CD47: variants seen among roughly 807,000 people sequenced by gnomAD.
CD47 encodes leukocyte surface antigen CD47.
A neutral mutation model predicts 44.6 loss-of-function variants in CD47; 11 were observed. That is an observed-to-expected ratio of 0.25 (90% CI 0.16 to 0.41). The LOEUF (loss-of-function observed/expected upper bound fraction) is 0.41, where lower values mean the gene tolerates loss of function less well. CD47 is among the 10% of genes least tolerant of loss of function. CD47 has a pLI of 1.00. For synonymous variants in CD47, 140 were observed against 136.3 expected (o/e 1.03, Z -0.19); for missense variants, 306 against 386.7 (o/e 0.79, Z 1.75).
At chr3:108,059,415 A>G in intron 5 of CD47, 37 bp downstream of exon 5, 1 of 1,030,320 alleles carries the variant, frequency 9.7e-7, no homozygotes, top group Non-Finnish European at 1.4e-6. Context: ...TAAATGAAAA[A>G]GGTAGACAAA....
chr3:108,049,094 A>ATCTCTC (rs55708779), intron 10 of CD47, among the ~76,000 whole-genome samples: 16 of 129,370 alleles, frequency 1.2e-4, no homozygotes, highest in African/African-American at 2.6e-4. Context: ...AGGACGAAAC[A>ATCTCTC]TCTCTCTCTC....
At position 108,045,682 on chromosome 3, in the gene CD47, A is replaced by G. The variant is rs187373143; in HGVS notation, c.*1606T>C. On this transcript the variant is annotated 3_prime_UTR_variant, in exon 11 of 11. Coordinates refer to ENST00000361309, the MANE Select transcript of CD47 (RefSeq NM_001777.4). ...GTCCCAACATGAAATATGACAATCA[A>G]TTTGGCATAAAAGAGGCACACGGGA... 3.9e-5 allele frequency: 6 copies of G among 152,708 alleles called. No individual in the cohort carries two copies. The highest frequency in any genetic ancestry group is 1.2e-4 in the African/African-American group (5 of 41,556). 9.5% of individuals were successfully genotyped at this position (152,708 alleles called of 1,614,324 possible).
At chr3:108,085,623 A>T (rs1173948843) in intron 1 of CD47, among the ~76,000 whole-genome samples, 4 of 152,096 alleles carry the variant, frequency 2.6e-5, no homozygotes, top group African/African-American at 9.7e-5. Flanking sequence ...TTGTGTTCAA[A>T]TGTTGTCACT....
At chr3:108,051,661 C>A (rs2078830892) in intron 8 of CD47, 1 of 563,838 alleles carries the variant, frequency 1.8e-6, no homozygotes, top group Non-Finnish European at 3.5e-6. Context: ...CTTCTGATTG[C>A]AGAGATAATA....
Position 108,047,143 on chromosome 3 carries a change from C to T in CD47, c.*145G>A, listed in dbSNP as rs2078733312. 8 of 525,404 alleles carry T rather than the reference C, an allele frequency of 1.5e-5. No homozygotes were observed. In the East Asian group the frequency reaches 1.5e-4, roughly 10 times the overall value. 32.5% of individuals were successfully genotyped at this position (525,404 alleles called of 1,614,324 possible). ...TGAATAAAAACTTAACTAACAATCA[C>T]GTAAGGGTCTCATAGGTGACAACCA... On this transcript the variant is annotated 3_prime_UTR_variant, in exon 11 of 11. Coordinates refer to ENST00000361309, the MANE Select transcript of CD47 (RefSeq NM_001777.4).
chr3:108,055,884 A>G (rs1024718362), intron 7 of CD47, among the ~76,000 whole-genome samples: 2 of 152,188 alleles, frequency 1.3e-5, no homozygotes, highest in South Asian at 2.1e-4. Flanking sequence ...CACTTGAGAC[A>G]TTGTCACCAG....
At position 108,045,511 on chromosome 3, in the gene CD47, G is replaced by A. The variant is rs2078707874; in HGVS notation, c.*1777C>T. ...CAATCAAGGAAGAATATACATGTGTGTATATACATACGTATATATAGATAT... is the reference window on the plus strand; with the variant it reads ...CAATCAAGGAAGAATATACATGTGTATATATACATACGTATATATAGATAT... On this transcript the variant is annotated 3_prime_UTR_variant, in exon 11 of 11. Transcript: ENST00000361309. 1 of 151,708 alleles carries A rather than the reference G, an allele frequency of 6.6e-6. No homozygotes were observed. Among genetic ancestry groups the A allele is most frequent in the Admixed American group, 6.6e-5 (1 of 15,174 alleles). The allele number at this position is 151,708 out of a possible 1,614,324, so 9.4% of individuals were successfully genotyped here. A position where few individuals can be genotyped will look rare whatever the true frequency, so the allele number is the denominator to read the frequency against.
At chr3:108,055,454 T>C (rs2078897966) in intron 7 of CD47, 3 of 904,870 alleles carry the variant, frequency 3.3e-6, no homozygotes, top group African/African-American at 1.7e-5. Flanking sequence ...AGTCAGATTA[T>C]ATAAGCAAAC....
chr3:108,081,179 C>T (rs777350974), intron 1 of CD47, among the ~76,000 whole-genome samples: 62 of 152,078 alleles, frequency 4.1e-4, no homozygotes, highest in Admixed American at 1.9e-3. Flanking sequence ...ATCCTATCTA[C>T]GCTTCTCAAT....
intron 1 of CD47, among the ~76,000 whole-genome samples, chr3:108,088,808 T>C (rs977473961): frequency 6.6e-5 from 10 of 152,196 alleles, no homozygotes; most frequent in African/African-American, 2.4e-4. Context: ...AACATAGTAA[T>C]TCATTTCACA....
chr3:108,043,780 T>G lies in CD47; in HGVS notation c.*3508A>C, dbSNP rs558494449. On this transcript the variant is annotated 3_prime_UTR_variant, in exon 11 of 11. Coordinates refer to ENST00000361309, the MANE Select transcript of CD47 (RefSeq NM_001777.4). Reference sequence around the variant, plus strand: ...AGCTTAGTACAAATGCTTTCTTTTTTTCAAAAAGAGAAATTTATGAGAAAG... The same window carrying G: ...AGCTTAGTACAAATGCTTTCTTTTTGTCAAAAAGAGAAATTTATGAGAAAG... 6.5e-6 allele frequency: 1 copy of G among 152,764 alleles called. No individual in the cohort carries two copies. Among genetic ancestry groups the G allele is most frequent in the Non-Finnish European group, 1.5e-5 (1 of 68,036 alleles). The allele number at this position is 152,764 out of a possible 1,614,324, so 9.5% of individuals were successfully genotyped here.
Position 108,080,081 on chromosome 3 carries a change from C to T in CD47, c.310G>A (p.Asp104Asn), listed in dbSNP as rs760735393. Reference sequence around the variant, plus strand: ...TAGTTTCCTGTGTGTGAGACAGCATCACTCTTATCCATCTTCAAAGAGGCA... The same window carrying T: ...TAGTTTCCTGTGTGTGAGACAGCATTACTCTTATCCATCTTCAAAGAGGCA... ...GDASLKMDKS[D>N]AVSHTGNYTC... Residue 104 changes from aspartate to asparagine, a missense_variant, in exon 2 of 11, where the codon GAT (aspartate) becomes AAT (asparagine). Transcript: ENST00000361309. The T allele has an allele frequency of 5.0e-6, 8 of 1,613,074 alleles. No homozygotes were observed. The highest frequency in any genetic ancestry group is 1.7e-4 in the Middle Eastern group (1 of 6,052).
intron 1 of CD47, among the ~76,000 whole-genome samples, chr3:108,085,179 T>A (rs2079495457): frequency 6.6e-6 from 1 of 152,044 alleles, no homozygotes; most frequent in South Asian, 2.1e-4. Context: ...TGCACTCTCA[T>A]CCCCATGCCT....
intron 10 of CD47, among the ~76,000 whole-genome samples, chr3:108,049,125 T>C: frequency 7.0e-6 from 1 of 142,934 alleles, no homozygotes. Flanking sequence ...TCTCTCTCTC[T>C]CTCTCTCTCT....
rs557717923 is a variant in CD47 at position 108,060,636 on chromosome 3, A to G, written c.598+109T>C. The G allele has an allele frequency of 2.0e-5, 14 of 706,298 alleles. No individual in the cohort carries two copies. In the South Asian group the frequency reaches 2.3e-4, roughly 12 times the overall value. The allele number at this position is 706,298 out of a possible 1,614,324, so 43.8% of individuals were successfully genotyped here. On this transcript the variant is annotated intron_variant, in intron 4 of 10. Transcript: ENST00000361309. ...GGAATTGCTATTGTTTAAGCCACCC[A>G]GTTTGTGGTCATCTGTTCCAACAGC...
intron 2 of CD47, among the ~76,000 whole-genome samples, chr3:108,077,515 AC>A (rs1187839457): frequency 6.6e-6 from 1 of 152,168 alleles, no homozygotes; most frequent in Non-Finnish European, 1.5e-5. Flanking sequence ...GCATATACTT[AC>A]CATACAGCCC....
intron 7 of CD47, chr3:108,052,289 AC>A (rs1359019021): frequency 3.8e-6 from 1 of 266,222 alleles, no homozygotes; most frequent in Non-Finnish European, 7.3e-6. Flanking sequence ...ACATACCCCC[AC>A]CATGGGTGCT....
At chr3:108,077,808 G>A (rs564492143) in intron 2 of CD47, among the ~76,000 whole-genome samples, 1 of 152,202 alleles carries the variant, frequency 6.6e-6, no homozygotes, top group South Asian at 2.1e-4. Context: ...TTCTCAAAAG[G>A]TCACATCTTG....
intron 7 of CD47, chr3:108,054,555 ATTT>A (rs1296766343): frequency 2.6e-5 from 4 of 152,142 alleles, no homozygotes; most frequent in African/African-American, 9.7e-5. Flanking sequence ...ATATATATAT[ATTT>A]TTTAACCACA....
Sources: gnomAD v4.1 joint callset for allele counts (sites outside exome capture counted in the v4.1 genomes callset) on GRCh38, gnomAD v4.1.1 for gene constraint, MANE v1.5 for transcripts, NCBI Gene and HGNC (gene_info 2026-07-23, HGNC 2026-07-21) for gene names.